Variants in OTUD6B observed in about 807,000 individuals in gnomAD.
The protein encoded by OTUD6B is deubiquitinase OTUD6B.
Under a neutral mutation model 36.9 loss-of-function variants are expected in OTUD6B, and 41 were observed. That is an observed-to-expected ratio of 1.11 (90% CI 0.87 to 1.44). The LOEUF is 1.44. Ranked by LOEUF, OTUD6B falls within the 40% of genes most tolerant of loss-of-function variation. The pLI, the probability that OTUD6B is intolerant of heterozygous loss-of-function variation, is 0.00. For missense variants in OTUD6B, 356 were observed against 344.8 expected (o/e 1.03, Z -0.26); for synonymous variants, 114 against 114.2 (o/e 1.00, Z 0.01).
At chr8:91,084,338 GTT>G (rs1334136489) in intron 6 of OTUD6B, among the ~76,000 whole-genome samples, 1 of 152,086 alleles carries the variant, frequency 6.6e-6, no homozygotes, top group Admixed American at 6.6e-5. Flanking sequence ...AATGCTAAAA[GTT>G]TCAACAAGTG....
intron 5 of OTUD6B, among the ~76,000 whole-genome samples, chr8:91,081,500 G>T (rs979444817): frequency 2.6e-5 from 4 of 151,532 alleles, no homozygotes; most frequent in African/African-American, 9.7e-5. Context: ...CCTCTGTTTT[G>T]TGGCCACAGG....
At chr8:91,070,909 G>T (rs1339893430) in intron 1 of OTUD6B, 1 of 401,194 alleles carries the variant, frequency 2.5e-6, no homozygotes, top group African/African-American at 2.2e-5. Context: ...CTCTTATCTC[G>T]CCAAACAACC....
In OTUD6B at chr8:91,085,771, G is replaced by GAGT. The variant is rs1021542885; in HGVS notation, c.*906_*908dup. On this transcript the variant is annotated 3_prime_UTR_variant, in exon 7 of 7. Transcript: ENST00000404789. ...GGCCTTTACCTTGTGCAATTTTAGG[G>GAGT]AGTAGCAGTGTAAAAGGTCCAAGAC... 3.3e-5 allele frequency: 5 copies of GAGT among 151,944 alleles called. No homozygotes were observed. Among genetic ancestry groups the GAGT allele is most frequent in the African/African-American group, 1.2e-4 (5 of 41,408 alleles). 9.4% of individuals were successfully genotyped at this position (151,944 alleles called of 1,614,324 possible). A position where few individuals can be genotyped will look rare whatever the true frequency, so the allele number is the denominator to read the frequency against.
chr8:91,075,109 TAA>T (rs1268417336), intron 3 of OTUD6B, among the ~76,000 whole-genome samples: 1 of 152,086 alleles, frequency 6.6e-6, no homozygotes, highest in East Asian at 1.9e-4. Flanking sequence ...CTATGCCTCT[TAA>T]AAAATTAAAC....
chr8:91,072,136 G>T (rs989973449), intron 2 of OTUD6B, among the ~76,000 whole-genome samples: 1 of 152,032 alleles, frequency 6.6e-6, no homozygotes, highest in Admixed American at 6.5e-5. Context: ...TTATTTTATC[G>T]TTGGATCTAA....
rs180792439 is a variant in OTUD6B, at chr8:91,085,724, C to T, written c.*856C>T. ...CTTTTGTGTTTTCTACTTTGCTTTC[C>T]TTGAAGGAACAAGCATTTTGTGGCC... On this transcript the variant is annotated 3_prime_UTR_variant, in exon 7 of 7. Coordinates refer to ENST00000404789, the MANE Select transcript of OTUD6B (RefSeq NM_016023.5). 1 of 151,964 alleles carries T rather than the reference C, an allele frequency of 6.6e-6. No individual in the cohort carries two copies. Among genetic ancestry groups the T allele is most frequent in the East Asian group, 1.9e-4 (1 of 5,156 alleles). The allele number at this position is 151,964 out of a possible 1,614,324, so 9.4% of individuals were successfully genotyped here. A position where few individuals can be genotyped will look rare whatever the true frequency, so the allele number is the denominator to read the frequency against.
chr8:91,084,552 G>A (rs184365218), intron 6 of OTUD6B: 1 of 162,504 alleles, frequency 6.2e-6, no homozygotes, highest in African/African-American at 2.4e-5. Context: ...TGAACCTTCA[G>A]CATCTCAGCC....
Position 91,078,460 on chromosome 8 carries a change from A to G in OTUD6B, c.420A>G (p.Gln140=), listed in dbSNP as rs1406359269. Residue 140 remains glutamine, a synonymous_variant, in exon 4 of 7, where the codon CAA becomes CAG. Transcript: ENST00000404789. Reference sequence around the variant, plus strand: ...ATATGGAAAGTGAGAAACTTGCTCAAATATTGGCAGCTAGACAGTTAGAAA... The same window carrying G: ...ATATGGAAAGTGAGAAACTTGCTCAGATATTGGCAGCTAGACAGTTAGAAA... The part of the protein sequence containing the change: ...ARHMESEKLA[Q]ILAARQLEIK... 2 of 1,605,598 alleles carry G rather than the reference A, an allele frequency of 1.2e-6. No individual in the cohort carries two copies. The highest frequency in any genetic ancestry group is 8.5e-7 in the Non-Finnish European group (1 of 1,175,542).
Position 91,085,093 on chromosome 8 carries a change from A to G in OTUD6B, c.*225A>G. The G allele has an allele frequency of 3.7e-6, 1 of 269,684 alleles. No homozygotes were observed. Among genetic ancestry groups the G allele is most frequent in the Non-Finnish European group, 7.0e-6 (1 of 143,544 alleles). 16.7% of individuals were successfully genotyped at this position (269,684 alleles called of 1,614,324 possible). ...TGTTAAGTTCATTGTAGAGAACACC[A>G]TTCATAGACCAAGATGGTCCCCTAT... On this transcript the variant is annotated 3_prime_UTR_variant, in exon 7 of 7. Coordinates refer to ENST00000404789, the MANE Select transcript of OTUD6B (RefSeq NM_016023.5).
chr8:91,083,877 G>A (rs1167689975), intron 5 of OTUD6B, 131 bp from the exon 6 acceptor site: 8 of 1,033,316 alleles, frequency 7.7e-6, no homozygotes, highest in Non-Finnish European at 1.1e-5. Flanking sequence ...TAAGTGCCCA[G>A]TATATACCAG....
At chr8:91,082,567 C>T (rs983463800) in intron 5 of OTUD6B, among the ~76,000 whole-genome samples, 2 of 151,830 alleles carry the variant, frequency 1.3e-5, no homozygotes, top group African/African-American at 4.8e-5. Context: ...CCTGTGTTGC[C>T]CAGGCTGGTC....
At chr8:91,077,681 T>C (rs932580370) in intron 3 of OTUD6B, among the ~76,000 whole-genome samples, 17 of 152,120 alleles carry the variant, frequency 1.1e-4, no homozygotes, top group Non-Finnish European at 1.8e-4. Context: ...TAACATATGA[T>C]ACCATTTTTA....
At chr8:91,084,679 TG>T (rs1812972659) in intron 6 of OTUD6B, 104 bp from the exon 7 acceptor site, 1 of 1,168,030 alleles carries the variant, frequency 8.6e-7, no homozygotes, top group Middle Eastern at 3.4e-4. Context: ...CCATGTGGAC[TG>T]AGTCATTCAG....
chr8:91,082,778 G>T (rs1486591813), intron 5 of OTUD6B, among the ~76,000 whole-genome samples: 8 of 140,910 alleles, frequency 5.7e-5, no homozygotes, highest in African/African-American at 1.7e-4. Context: ...TTGAAACAGG[G>T]TCTCACTCTG....
chr8:91,078,291 C>T, intron 3 of OTUD6B, 65 bp from the exon 4 acceptor site: 2 of 1,467,328 alleles, frequency 1.4e-6, no homozygotes, highest in Non-Finnish European at 1.8e-6. Flanking sequence ...ATTTCCCTTC[C>T]CTTAATAAAT....
At chr8:91,078,226 G>T in intron 3 of OTUD6B, 130 bp from the exon 4 acceptor site, 1 of 1,437,600 alleles carries the variant, frequency 7.0e-7, no homozygotes. Context: ...TGATCAATGT[G>T]ATAGTGTTTG....
chr8:91,077,118 A>T (rs1271465409), intron 3 of OTUD6B, among the ~76,000 whole-genome samples: 1 of 152,080 alleles, frequency 6.6e-6, no homozygotes, highest in African/African-American at 2.4e-5. Flanking sequence ...GTAACTTATT[A>T]ATGTCAAAAT....
rs1301468200 is a variant in OTUD6B at position 91,078,558 on chromosome 8, C to T, written c.518C>T (p.Ala173Val). 8 of 1,608,558 alleles carry T rather than the reference C, an allele frequency of 5.0e-6. No homozygotes were observed. Among genetic ancestry groups the T allele is most frequent in the Non-Finnish European group, 6.8e-6 (8 of 1,177,170 alleles). Reference sequence around the variant, plus strand: ...GATCAACTGAAAGAAAAGGATTGTGCTCTGACTGTGGTTGCCTTGAGAAGT... The same window carrying T: ...GATCAACTGAAAGAAAAGGATTGTGTTCTGACTGTGGTTGCCTTGAGAAGT... ...IEDQLKEKDC[A>V]LTVVALRSQT... Residue 173 changes from alanine to valine, a missense_variant, in exon 4 of 7, where the codon GCT becomes GTT. Coordinates refer to ENST00000404789, the MANE Select transcript of OTUD6B (RefSeq NM_016023.5).
chr8:91,083,362 C>T (rs989328156), intron 5 of OTUD6B, among the ~76,000 whole-genome samples: 1 of 152,040 alleles, frequency 6.6e-6, no homozygotes, highest in Non-Finnish European at 1.5e-5. Flanking sequence ...CATTTTCAAG[C>T]GTATTCAAAA....
Sources: allele counts gnomAD v4.1 joint callset (sites outside exome capture counted in the v4.1 genomes callset), GRCh38; gene constraint gnomAD v4.1.1; transcripts MANE v1.5; gene names NCBI Gene and HGNC (gene_info 2026-07-23, HGNC 2026-07-21).